Variants in PLXNA2 observed in about 807,000 individuals in gnomAD.
PLXNA2 encodes the protein plexin-A2.
In PLXNA2, 91 loss-of-function variants were observed where a neutral mutation model predicts 193.5. That is an observed-to-expected ratio of 0.47 (90% CI 0.40 to 0.56). The LOEUF (loss-of-function observed/expected upper bound fraction) is 0.56. Ranked by LOEUF, PLXNA2 falls within the 20% of genes least tolerant of loss-of-function variation. The probability of loss-of-function intolerance (pLI) is 0.00; values close to 1 mark genes in which losing one functional copy is unlikely to be tolerated. For missense variants in PLXNA2, 1,995 were observed against 2,503.2 expected, an observed-to-expected ratio of 0.80 and a Z score of 4.33; for synonymous variants, 997 against 1,027.3, an observed-to-expected ratio of 0.97 and a Z score of 0.56.
At chr1:208,081,298 G>A (rs960244167) in intron 11 of PLXNA2, among the ~76,000 whole-genome samples, 11 of 152,190 alleles carry the variant, frequency 7.2e-5, no homozygotes, top group Non-Finnish European at 1.3e-4. Context: ...GCAGCATTTG[G>A]GACAGGGAGC....
intron 4 of PLXNA2, among the ~76,000 whole-genome samples, chr1:208,124,261 A>C (rs540129000): frequency 1.3e-5 from 2 of 152,142 alleles, no homozygotes; most frequent in Non-Finnish European, 2.9e-5. Flanking sequence ...AAAAACAACT[A>C]TTGGGTACTA....
intron 14 of PLXNA2, 118 bp from the exon 15 acceptor site, chr1:208,052,581 G>T: frequency 1.0e-6 from 1 of 964,348 alleles, no homozygotes; most frequent in Non-Finnish European, 1.5e-6. Context: ...TACTTGTCCT[G>T]TCCTTTTCAA....
intron 4 of PLXNA2, among the ~76,000 whole-genome samples, chr1:208,108,699 T>G (rs72739502): frequency 0.058 from 8,835 of 152,282 alleles, 343 homozygotes; most frequent in Middle Eastern, 0.16. Context: ...CAACCCTCTG[T>G]TAGGCATCAG....
intron 21 of PLXNA2, 88 bp downstream of exon 21, chr1:208,042,973 T>G: frequency 7.4e-7 from 1 of 1,355,536 alleles, no homozygotes. Context: ...CTAACCTTAC[T>G]CAGTACTGCT....
At chr1:208,092,296 T>C (rs547989447) in intron 9 of PLXNA2, among the ~76,000 whole-genome samples, 1 of 152,330 alleles carries the variant, frequency 6.6e-6, no homozygotes, top group African/African-American at 2.4e-5. Flanking sequence ...TTTTTCTCAC[T>C]TTCTACAAGG....
chr1:208,194,311 C>G (rs1363029910), intron 3 of PLXNA2, among the ~76,000 whole-genome samples: 1 of 151,996 alleles, frequency 6.6e-6, no homozygotes, highest in Non-Finnish European at 1.5e-5. Flanking sequence ...TGAAAATGAA[C>G]AATCACTACC....
In PLXNA2 at chr1:208,035,867, T is replaced by C. The variant is rs188289032; in HGVS notation, c.4765-1275A>G. On this transcript the variant is annotated intron_variant, in intron 26 of 31. Coordinates refer to ENST00000367033, the MANE Select transcript of PLXNA2 (RefSeq NM_025179.4). ...CATTAGTGCTAACGAGATTCCCTGA[T>C]AGCAGGTTTTAGTGGTGGTGTTTAA... 2.4e-4 allele frequency among the ~76,000 whole-genome samples: 37 copies of C among 152,350 alleles called. No individual in the cohort carries two copies. The East Asian group carries it at 6.9e-3, about 29-fold the overall frequency.
Position 208,180,164 on chromosome 1 carries a change from A to AT in PLXNA2, c.1371+30115dup, listed in dbSNP as rs11304771. On this transcript the variant is annotated intron_variant, in intron 3 of 31. Transcript: ENST00000367033. Reference sequence around the variant, plus strand: ...TTAGAGCAGCTCACTGGGGGCTTGTATTTTTTTTTTTTTTTTTAAATAACT... The same window carrying AT: ...TTAGAGCAGCTCACTGGGGGCTTGTATTTTTTTTTTTTTTTTTTAAATAACT... Among the ~76,000 whole-genome samples, 863 of 143,952 alleles carry AT rather than the reference A, an allele frequency of 6.0e-3. 11 individuals carry two copies. Among genetic ancestry groups the AT allele is most frequent in the African/African-American group, 0.018 (710 of 39,106 alleles). 94.4% of individuals were successfully genotyped at this position (143,952 alleles called of 152,430 possible).
chr1:208,240,418 C>G (rs984609955), intron 1 of PLXNA2, among the ~76,000 whole-genome samples: 1 of 152,024 alleles, frequency 6.6e-6, no homozygotes, highest in Non-Finnish European at 1.5e-5. Flanking sequence ...TAGAAATGAC[C>G]GAAAAAGAAG....
chr1:208,056,967 G>A (rs190700901), intron 13 of PLXNA2, among the ~76,000 whole-genome samples: 36 of 152,156 alleles, frequency 2.4e-4, no homozygotes, highest in Admixed American at 3.3e-4. Context: ...CCCAGTGCCT[G>A]CAGGCCAGGG....
At chr1:208,108,885 G>T (rs976734803) in intron 4 of PLXNA2, among the ~76,000 whole-genome samples, 3 of 152,218 alleles carry the variant, frequency 2.0e-5, no homozygotes, top group Non-Finnish European at 4.4e-5. Context: ...AGCACTCAGT[G>T]TTCAAGCGAT....
At position 208,093,245 on chromosome 1, in the gene PLXNA2, G is replaced by A. The variant is rs535978694; in HGVS notation, c.1983-345C>T. On this transcript the variant is annotated intron_variant, in intron 8 of 31. Transcript: ENST00000367033. ...AATCGGCCATGGTGGAAATAGTTGC[G>A]CCACAGAATTTGGCAATGCTGCAAA... Among the ~76,000 whole-genome samples the A allele has an allele frequency of 8.5e-5, 13 of 152,320 alleles. No individual in the cohort carries two copies. In the East Asian group the frequency reaches 1.9e-3, roughly 23 times the overall value.
chr1:208,032,347 C>G (rs72731353), intron 28 of PLXNA2, among the ~76,000 whole-genome samples: 1,984 of 152,278 alleles, frequency 0.013, 18 homozygotes, highest in Middle Eastern at 0.065. Flanking sequence ...GGGCCTGGCT[C>G]CCACAGTTTA....
chr1:208,126,699 C>T (rs914486134), intron 4 of PLXNA2, among the ~76,000 whole-genome samples: 1 of 152,152 alleles, frequency 6.6e-6, no homozygotes, highest in East Asian at 1.9e-4. Context: ...AACACAGAGC[C>T]TATCCTCCCC....
At chr1:208,072,228 AAGTT>A (rs1281471274) in intron 12 of PLXNA2, among the ~76,000 whole-genome samples, 3 of 152,186 alleles carry the variant, frequency 2.0e-5, no homozygotes, top group African/African-American at 7.2e-5. Flanking sequence ...GGTGTTGGAG[AAGTT>A]ACTGAGGCTG....
At chr1:208,141,247 C>A (rs1668448419) in intron 4 of PLXNA2, among the ~76,000 whole-genome samples, 1 of 152,062 alleles carries the variant, frequency 6.6e-6, no homozygotes, top group Non-Finnish European at 1.5e-5. Flanking sequence ...TTATCTCTTC[C>A]TTACTTCTTC....
At position 208,028,096 on chromosome 1, in the gene PLXNA2, G is replaced by A. The variant is rs148742246; in HGVS notation, c.5502C>T (p.Ala1834=). 32 of 1,613,358 alleles carry A rather than the reference G, an allele frequency of 2.0e-5. No homozygotes were observed. Among genetic ancestry groups the A allele is most frequent in the East Asian group, 6.7e-5 (3 of 44,832 alleles). ...CCACGGCGTGCAGGCGGGACTGCTC[G>A]GCGAGGTAGGCATTCATGTCCTGGT... The part of the protein sequence containing the change: ...ISDQDMNAYL[A]EQSRLHAVEF... The change falls in exon 31 of 32, where the codon GCC becomes GCT. Residue 1834 remains alanine, a synonymous_variant. Coordinates refer to ENST00000367033, the MANE Select transcript of PLXNA2 (RefSeq NM_025179.4). This position sits in a 1 kb window ranked among gnomAD's most constrained non-coding sequence, Gnocchi z 4.2.
intron 3 of PLXNA2, among the ~76,000 whole-genome samples, chr1:208,185,696 C>CAAAAAAAAAAAAAAAAAAAAAAAA (rs56384277): frequency 2.6e-4 from 15 of 57,218 alleles, no homozygotes; most frequent in Middle Eastern, 0.029. Context: ...TCTCTGAAAG[C>CAAAAAAAAAAAAAAAAAAAAAAAA]AAAAAAAAAA....
intron 3 of PLXNA2, among the ~76,000 whole-genome samples, chr1:208,165,234 TA>T (rs764914303): frequency 4.3e-4 from 65 of 152,310 alleles, no homozygotes; most frequent in Non-Finnish European, 8.8e-4. Flanking sequence ...TCATTCATCT[TA>T]TAGCTTATGT....
Sources: allele counts gnomAD v4.1 joint callset (sites outside exome capture counted in the v4.1 genomes callset), GRCh38; gene constraint gnomAD v4.1.1; non-coding constraint Gnocchi (gnomAD v3.1); transcripts MANE v1.5; gene names NCBI Gene and HGNC (gene_info 2026-07-23, HGNC 2026-07-21).